Variants in TBC1D12 observed in about 807,000 individuals in gnomAD.
The protein encoded by TBC1D12 is TBC1 domain family member 12, also known as TBC1 domain family, member 12.
In TBC1D12, 56 loss-of-function variants were observed where a neutral mutation model predicts 86.7. That is an observed-to-expected ratio of 0.65 (90% CI 0.52 to 0.81). The LOEUF is 0.81. Among genes scored for constraint, TBC1D12 ranks in the 30% least tolerant of loss-of-function variants. The pLI is 0.00. For missense variants in TBC1D12, 1,023 were observed against 1,038.8 expected (o/e 0.98, Z 0.21); for synonymous variants, 421 against 411.7 (o/e 1.02, Z -0.27).
intron 1 of TBC1D12, among the ~76,000 whole-genome samples, chr10:94,421,923 T>C (rs1479064671): frequency 2.6e-5 from 4 of 152,232 alleles, no homozygotes; most frequent in Non-Finnish European, 5.9e-5. Flanking sequence ...CTATTTTGGA[T>C]TCTAGACCCT....
At position 94,531,439 on chromosome 10, in the gene TBC1D12, T is replaced by C; in HGVS notation, c.2238T>C (p.Asn746=). The C allele has an allele frequency of 3.7e-6, 6 of 1,613,294 alleles. No homozygotes were observed. The highest frequency in any genetic ancestry group is 4.2e-6 in the Non-Finnish European group (5 of 1,179,524). ...FSCIAAIQMQ[N]STKKWTQVFA... ...GTATTGCAGCCATTCAGATGCAGAA[T>C]AGCACCAAAAAATGGACTCAGGTAG... Residue 746 remains asparagine, a synonymous_variant, in exon 12 of 13, where the codon AAT becomes AAC. Transcript: ENST00000225235.
In TBC1D12 at chr10:94,523,526, G is replaced by C. The variant is rs1842208867; in HGVS notation, c.2000+1073G>C. The stretch of plus-strand genomic sequence containing the variant: ...GACACCAATTTGAATTTTTTAATTT[G>C]ATCTCCCTTCTTACATATTGTCTGA... On this transcript the variant is annotated intron_variant, in intron 11 of 12. Transcript: ENST00000225235. 2.0e-5 allele frequency among the ~76,000 whole-genome samples: 3 copies of C among 151,912 alleles called. No homozygotes were observed. The East Asian group carries it at 5.8e-4, about 29-fold the overall frequency.
rs1372330776 is a variant in TBC1D12, at chr10:94,402,982, T to C, written c.369T>C (p.Ala123=). The change falls in exon 1 of 13, where the codon GCT becomes GCC. Residue 123 remains alanine, a synonymous_variant. Coordinates refer to ENST00000225235, the MANE Select transcript of TBC1D12 (RefSeq NM_015188.2). The part of the protein sequence containing the change: ...SGSKHRGAEV[A]DGRAPRHEGM... ...CCAAACACCGCGGCGCGGAGGTGGC[T>C]GATGGCCGCGCGCCGCGGCACGAAG... 1 of 1,575,402 alleles carries C rather than the reference T, an allele frequency of 6.3e-7. No homozygotes were observed. Among genetic ancestry groups the C allele is most frequent in the Admixed American group, 1.8e-5 (1 of 55,954 alleles).
At chr10:94,513,657 G>GGTCCCCTT (rs1489027826) in intron 9 of TBC1D12, among the ~76,000 whole-genome samples, 1 of 151,924 alleles carries the variant, frequency 6.6e-6, no homozygotes, top group Non-Finnish European at 1.5e-5. Flanking sequence ...CTGGTCCCCT[G>GGTCCCCTT]GTCCCTGGTG....
intron 1 of TBC1D12, among the ~76,000 whole-genome samples, chr10:94,406,508 T>C (rs2054855642): frequency 1.3e-5 from 2 of 152,244 alleles, no homozygotes; most frequent in African/African-American, 4.8e-5. Flanking sequence ...GACATTCATC[T>C]CTGAATCTAT....
intron 1 of TBC1D12, among the ~76,000 whole-genome samples, chr10:94,418,662 C>G (rs1322695392): frequency 6.6e-6 from 1 of 151,988 alleles, no homozygotes; most frequent in Non-Finnish European, 1.5e-5. Context: ...ACCTCTGCCT[C>G]CCGGGTTCAA....
intron 9 of TBC1D12, among the ~76,000 whole-genome samples, chr10:94,517,188 G>A (rs1842019534): frequency 6.6e-6 from 1 of 152,176 alleles, no homozygotes; most frequent in South Asian, 2.1e-4. Flanking sequence ...GACCAGCCTT[G>A]CCAACATGCC....
intron 2 of TBC1D12, among the ~76,000 whole-genome samples, chr10:94,459,713 G>A (rs948074106): frequency 5.3e-5 from 8 of 152,136 alleles, no homozygotes; most frequent in South Asian, 2.1e-4. Context: ...TGGGGGACCC[G>A]GCACACCCTC....
chr10:94,481,899 A>T (rs1472171058), intron 3 of TBC1D12, among the ~76,000 whole-genome samples: 2 of 152,180 alleles, frequency 1.3e-5, no homozygotes, highest in Non-Finnish European at 2.9e-5. Context: ...TAATAATCAC[A>T]TCATCGTAAA....
At chr10:94,514,576 T>C (rs1036614921) in intron 9 of TBC1D12, among the ~76,000 whole-genome samples, 3 of 152,228 alleles carry the variant, frequency 2.0e-5, no homozygotes, top group Non-Finnish European at 2.9e-5. Context: ...GTTCCATCCA[T>C]GTTTTCCCAA....
intron 2 of TBC1D12, among the ~76,000 whole-genome samples, chr10:94,448,373 A>C (rs1469132298): frequency 6.6e-6 from 1 of 152,200 alleles, no homozygotes; most frequent in African/African-American, 2.4e-5. Context: ...AATTATGCTT[A>C]AATATAGATA....
At chr10:94,516,852 G>T (rs1842005590) in intron 9 of TBC1D12, among the ~76,000 whole-genome samples, 1 of 151,868 alleles carries the variant, frequency 6.6e-6, no homozygotes. Flanking sequence ...TATCCCAAAA[G>T]CCTTTATTGA....
Position 94,535,036 on chromosome 10 carries a change from C to A in TBC1D12, c.*1940C>A, listed in dbSNP as rs1232089858. 2 of 152,124 alleles carry A rather than the reference C, an allele frequency of 1.3e-5. No homozygotes were observed. Among genetic ancestry groups the A allele is most frequent in the African/African-American group, 4.8e-5 (2 of 41,426 alleles). 9.4% of individuals were successfully genotyped at this position (152,124 alleles called of 1,614,324 possible). ...CCCTTGGGAGGTCTGAACAGAGTGA[C>A]CTGGCTTGATGTATTTCCTGAGCTC... On this transcript the variant is annotated 3_prime_UTR_variant, in exon 13 of 13. Transcript: ENST00000225235.
chr10:94,505,221 T>C (rs777488529), intron 6 of TBC1D12, among the ~76,000 whole-genome samples: 6 of 152,170 alleles, frequency 3.9e-5, no homozygotes, highest in Non-Finnish European at 7.3e-5. Flanking sequence ...CAAATAATTA[T>C]ATGTATAAAT....
At chr10:94,418,784 G>C (rs755994582) in intron 1 of TBC1D12, among the ~76,000 whole-genome samples, 4 of 151,762 alleles carry the variant, frequency 2.6e-5, no homozygotes, top group Non-Finnish European at 4.4e-5. Flanking sequence ...TGTTGGTCAG[G>C]CTGGTCTTGA....
chr10:94,403,088 G>C lies in TBC1D12; in HGVS notation c.475G>C (p.Gly159Arg). The stretch of plus-strand genomic sequence containing the variant: ...AGAGGCTCGCGGGCTGGCGCGCGCC[G>C]GCGGCCGGGAGTCGCGCCGCCGCCG... Reference protein sequence around the residue: ...LEEARGLARAGGRESRRRRPY... With the variant: ...LEEARGLARARGRESRRRRPY... The change falls in exon 1 of 13, where the codon GGC (glycine) becomes CGC (arginine). Residue 159 changes from glycine (G) to arginine (R), a missense_variant. Gly to Arg is a moderately radical substitution (Grantham distance 125, BLOSUM62 -2). Transcript: ENST00000225235. The C allele has an allele frequency of 2.8e-6, 4 of 1,427,648 alleles. No individual in the cohort carries two copies. The highest frequency in any genetic ancestry group is 3.7e-6 in the Non-Finnish European group (4 of 1,094,262). 88.4% of individuals were successfully genotyped at this position (1,427,648 alleles called of 1,614,324 possible).
intron 3 of TBC1D12, among the ~76,000 whole-genome samples, chr10:94,491,209 G>A (rs746606228): frequency 6.6e-6 from 1 of 152,140 alleles, no homozygotes; most frequent in Non-Finnish European, 1.5e-5. Context: ...GGTAAACCTG[G>A]TTTCTTTTAT....
chr10:94,468,170 A>G (rs1236091748), intron 2 of TBC1D12, among the ~76,000 whole-genome samples: 1 of 152,152 alleles, frequency 6.6e-6, no homozygotes, highest in Non-Finnish European at 1.5e-5. Flanking sequence ...TTGTGCTGTA[A>G]ACTGCTTATT....
Position 94,522,415 on chromosome 10 carries a change from ATCTTACAG to A in TBC1D12, c.1970_1977del (p.Ser657ThrfsTer14). 6.9e-7 allele frequency: 1 copy of A among 1,450,536 alleles called. No homozygotes were observed. The highest frequency in any genetic ancestry group is 9.4e-7 in the Non-Finnish European group (1 of 1,062,250). 89.9% of individuals were successfully genotyped at this position (1,450,536 alleles called of 1,614,324 possible). A position where few individuals can be genotyped will look rare whatever the true frequency, so the allele number is the denominator to read the frequency against. On this transcript the variant is annotated frameshift_variant, in exon 11 of 13. Coordinates refer to ENST00000225235, the MANE Select transcript of TBC1D12 (RefSeq NM_015188.2). LOFTEE classifies it high-confidence loss of function. ...TTTCCAAATTATTTCTTCACTTCAA[ATCTTACAG>A]TCTTACACCAGATATATACTTGATA...
Sources: gnomAD v4.1 joint callset for allele counts (sites outside exome capture counted in the v4.1 genomes callset) on GRCh38, gnomAD v4.1.1 for gene constraint, MANE v1.5 for transcripts, NCBI Gene and HGNC (gene_info 2026-07-23, HGNC 2026-07-21) for gene names.